The following GALNTL6 variants were observed in gnomAD, a reference collection of about 807,000 sequenced individuals.
GALNTL6 encodes polypeptide N-acetylgalactosaminyltransferase like 6.
A neutral mutation model predicts 73.7 loss-of-function variants in GALNTL6; 46 were observed. The ratio of observed to expected loss-of-function variants is 0.62; its 90% confidence interval spans 0.49 to 0.80. GALNTL6 has a LOEUF of 0.80. GALNTL6 is among the 30% of genes least tolerant of loss of function. The pLI, the probability that GALNTL6 is intolerant of heterozygous loss-of-function variation, is 0.00. For synonymous variants in GALNTL6, 259 were observed against 263.7 expected, an observed-to-expected ratio of 0.98 and a Z score of 0.17; for missense variants, 604 against 755.0, an observed-to-expected ratio of 0.80 and a Z score of 2.34.
rs190506890 is a variant in GALNTL6 at position 172,334,525 on chromosome 4, G to A, written c.387-13998G>A. On this transcript the variant is annotated intron_variant, in intron 4 of 12. Transcript: ENST00000506823. ...CTATTGTAAATAGGATTGCCTTCTC[G>A]ATTTCTTCTTTGGTGTACAGAAGTG... is the stretch of plus-strand genomic sequence containing the variant. Among the ~76,000 whole-genome samples the A allele has an allele frequency of 6.2e-3, 946 of 151,958 alleles. 9 individuals carry two copies. The highest frequency in any genetic ancestry group is 0.031 in the Middle Eastern group (9 of 292).
chr4:172,704,929 T>C (rs552480113), intron 5 of GALNTL6, among the ~76,000 whole-genome samples: 103 of 152,184 alleles, frequency 6.8e-4, no homozygotes, highest in African/African-American at 2.3e-3. Context: ...GTTCTCCCTA[T>C]ATAATGACCA....
chr4:171,948,785 T>C (rs189009410), intron 2 of GALNTL6, among the ~76,000 whole-genome samples: 10 of 152,242 alleles, frequency 6.6e-5, no homozygotes, highest in Admixed American at 2.6e-4. Context: ...TTTGCAATGA[T>C]GAAATAAAAT....
chr4:171,947,639 G>A (rs1168946473), intron 2 of GALNTL6, among the ~76,000 whole-genome samples: 2 of 152,116 alleles, frequency 1.3e-5, no homozygotes, highest in Non-Finnish European at 2.9e-5. Context: ...GTCTACAAAG[G>A]ACTGAAAGCT....
chr4:172,244,626 AT>A (rs1286562624), intron 3 of GALNTL6, among the ~76,000 whole-genome samples: 5 of 152,198 alleles, frequency 3.3e-5, no homozygotes, highest in African/African-American at 1.2e-4. Context: ...CATATAGAAT[AT>A]GAAGGATATT....
At chr4:172,964,664 T>C (rs992784242) in intron 10 of GALNTL6, among the ~76,000 whole-genome samples, 5 of 152,236 alleles carry the variant, frequency 3.3e-5, no homozygotes, top group African/African-American at 1.2e-4. Flanking sequence ...ACCTGCTTGC[T>C]TCTTTCTTCT....
intron 2 of GALNTL6, among the ~76,000 whole-genome samples, chr4:172,037,311 C>T (rs554908932): frequency 2.1e-4 from 32 of 152,200 alleles, no homozygotes; most frequent in Non-Finnish European, 4.0e-4. Flanking sequence ...TAACAGTATT[C>T]CTGCAGAATC....
chr4:172,795,816 A>G (rs1579492645), intron 5 of GALNTL6, among the ~76,000 whole-genome samples: 1 of 152,062 alleles, frequency 6.6e-6, no homozygotes, highest in East Asian at 1.9e-4. Flanking sequence ...AAAGAAAATT[A>G]CAGATTCAGA....
At chr4:172,008,606 G>A (rs897899811) in intron 2 of GALNTL6, among the ~76,000 whole-genome samples, 54 of 152,190 alleles carry the variant, frequency 3.5e-4, no homozygotes, top group African/African-American at 1.3e-3. Context: ...GGAGAATCGT[G>A]TATCAAACCA....
chr4:172,144,999 C>T (rs1376171384), intron 2 of GALNTL6, among the ~76,000 whole-genome samples: 12 of 152,082 alleles, frequency 7.9e-5, no homozygotes, highest in African/African-American at 2.7e-4. Context: ...TCTCTGTCAC[C>T]CAGGCTGGAG....
intron 5 of GALNTL6, among the ~76,000 whole-genome samples, chr4:172,571,525 CT>C (rs2110950107): frequency 6.6e-6 from 1 of 152,224 alleles, no homozygotes; most frequent in East Asian, 1.9e-4. Flanking sequence ...AAAAATACCC[CT>C]TAATTGAAGG....
chr4:172,924,434 G>A (rs145228635), intron 8 of GALNTL6, among the ~76,000 whole-genome samples: 1 of 152,344 alleles, frequency 6.6e-6, no homozygotes, highest in Non-Finnish European at 1.5e-5. Flanking sequence ...TTGGCACCTA[G>A]TGAGTGCTCA....
intron 2 of GALNTL6, among the ~76,000 whole-genome samples, chr4:171,933,113 G>A (rs1325672556): frequency 1.3e-5 from 2 of 152,282 alleles, no homozygotes; most frequent in Admixed American, 6.5e-5. Flanking sequence ...GTTCTTGAGT[G>A]ATAAAGGTGG....
At chr4:172,110,265 A>C (rs570016751) in intron 2 of GALNTL6, among the ~76,000 whole-genome samples, 1 of 152,282 alleles carries the variant, frequency 6.6e-6, no homozygotes, top group African/African-American at 2.4e-5. Flanking sequence ...TTTTTGAATA[A>C]TTTAATGAAG....
intron 2 of GALNTL6, among the ~76,000 whole-genome samples, chr4:171,943,255 C>T (rs563103183): frequency 6.6e-6 from 1 of 152,288 alleles, no homozygotes; most frequent in East Asian, 1.9e-4. Flanking sequence ...TGATGCCCCT[C>T]GGGCACCAGA....
chr4:172,098,836 C>T (rs1732429390), intron 2 of GALNTL6, among the ~76,000 whole-genome samples: 1 of 152,016 alleles, frequency 6.6e-6, no homozygotes, highest in South Asian at 2.1e-4. Flanking sequence ...TTACTGAGAT[C>T]CAGTGGGTAG....
chr4:172,301,899 C>G (rs1013334016), intron 3 of GALNTL6, among the ~76,000 whole-genome samples: 3 of 152,168 alleles, frequency 2.0e-5, no homozygotes, highest in Non-Finnish European at 4.4e-5. Context: ...TCAAAGCTGT[C>G]AGACAGGGAC....
intron 4 of GALNTL6, among the ~76,000 whole-genome samples, chr4:172,316,296 A>G (rs1740539556): frequency 6.6e-6 from 1 of 152,206 alleles, no homozygotes; most frequent in Non-Finnish European, 1.5e-5. Flanking sequence ...TGGCCGTTAT[A>G]AAAGTATATG....
At chr4:171,960,666 C>T (rs538795271) in intron 2 of GALNTL6, among the ~76,000 whole-genome samples, 2 of 127,762 alleles carry the variant, frequency 1.6e-5, no homozygotes, top group East Asian at 4.5e-4. Context: ...TAAAAAAACT[C>T]AGAGAAATGA....
intron 5 of GALNTL6, among the ~76,000 whole-genome samples, chr4:172,528,328 AT>A (rs1323822391): frequency 6.1e-5 from 1 of 16,262 alleles, no homozygotes; most frequent in Non-Finnish European, 2.4e-4. Context: ...AAATATATAT[AT>A]ATATATATAT....
Sources: gnomAD v4.1 joint callset for allele counts (sites outside exome capture counted in the v4.1 genomes callset) on GRCh38, gnomAD v4.1.1 for gene constraint, MANE v1.5 for transcripts, NCBI Gene and HGNC (gene_info 2026-07-23, HGNC 2026-07-21) for gene names.